BACE2: variants seen among roughly 807,000 people sequenced by gnomAD.
The protein encoded by BACE2 is beta-secretase 2.
In BACE2, 17 loss-of-function variants were observed where a neutral mutation model predicts 46.2. That is an observed-to-expected ratio of 0.37 (90% confidence interval 0.25 to 0.55). The LOEUF (loss-of-function observed/expected upper bound fraction) is 0.55, where lower values mean the gene tolerates loss of function less well. Ranked by LOEUF, BACE2 falls within the 20% of genes least tolerant of loss-of-function variation. BACE2 has a pLI of 0.82. For missense variants in BACE2, 595 were observed against 698.1 expected, an observed-to-expected ratio of 0.85 and a Z score of 1.66; for synonymous variants, 277 against 295.9, an observed-to-expected ratio of 0.94 and a Z score of 0.66.
At chr21:41,196,243 A>G (rs1026693297) in intron 1 of BACE2, among the ~76,000 whole-genome samples, 1 of 152,036 alleles carries the variant, frequency 6.6e-6, no homozygotes, top group Admixed American at 6.6e-5. Flanking sequence ...GGTTTCAGTG[A>G]GCCGAGATTG....
chr21:41,168,721 T>A, intron 1 of BACE2, 146 bp downstream of exon 1: 2 of 284,474 alleles, frequency 7.0e-6, no homozygotes, highest in Non-Finnish European at 5.9e-6. Flanking sequence ...GGGGCTCGGG[T>A]GGGCCGGGGA....
At chr21:41,208,852 G>A (rs555559807) in intron 1 of BACE2, among the ~76,000 whole-genome samples, 1 of 152,258 alleles carries the variant, frequency 6.6e-6, no homozygotes, top group East Asian at 1.9e-4. Flanking sequence ...TAGGGAAGGT[G>A]GGAGTTCCGT....
At chr21:41,241,989 G>A in intron 4 of BACE2, 42 bp downstream of exon 4, 1 of 1,607,498 alleles carries the variant, frequency 6.2e-7, no homozygotes, top group Non-Finnish European at 8.5e-7. Context: ...AATCACAGAT[G>A]GATGGGCTGT....
chr21:41,179,980 C>T (rs1985051554), intron 1 of BACE2: 8 of 350,174 alleles, frequency 2.3e-5, no homozygotes, highest in South Asian at 1.9e-4. Flanking sequence ...GTGGTGTTAG[C>T]AACTTTTATT....
chr21:41,257,143 C>T lies in BACE2; in HGVS notation c.1135-15C>T. 1 of 1,614,104 alleles carries T rather than the reference C, an allele frequency of 6.2e-7. No individual in the cohort carries two copies. The highest frequency in any genetic ancestry group is 1.3e-5 in the African/African-American group (1 of 75,052). ...CTTTTTCTTGTTTGTTTGCTCTCTC[C>T]TCTCCGACAAACAGCTTTACATTCA... On this transcript the variant is annotated splice_polypyrimidine_tract_variant and intron_variant, in intron 7 of 8. Transcript: ENST00000330333.
chr21:41,211,797 T>C (rs1449156670), intron 1 of BACE2, among the ~76,000 whole-genome samples: 1 of 152,260 alleles, frequency 6.6e-6, no homozygotes, highest in African/African-American at 2.4e-5. Flanking sequence ...TGCTAATCAC[T>C]AACTAGATGA....
chr21:41,193,439 C>G lies in BACE2; in HGVS notation c.312+24864C>G, dbSNP rs149044249. Among the ~76,000 whole-genome samples the G allele has an allele frequency of 0.016, 2,380 of 152,364 alleles. 53 individuals carry two copies. The highest frequency in any genetic ancestry group is 0.053 in the African/African-American group (2,190 of 41,588). On this transcript the variant is annotated intron_variant, in intron 1 of 8. Transcript: ENST00000330333. This position sits in a 1 kb window ranked among gnomAD's most constrained non-coding sequence, Gnocchi z 4.2. ...TCATTCTCCAAGATCCGTCTGTCTT[C>G]TGCACAGGCCAGATGGGAGAGTTGA...
chr21:41,222,008 G>A (rs1483277430), intron 1 of BACE2, among the ~76,000 whole-genome samples: 2 of 152,156 alleles, frequency 1.3e-5, no homozygotes, highest in African/African-American at 4.8e-5. Flanking sequence ...TGCGCACGGG[G>A]CCCAGGCAGT....
chr21:41,255,132 CAG>C (rs1987745147), intron 7 of BACE2, among the ~76,000 whole-genome samples: 2 of 152,328 alleles, frequency 1.3e-5, no homozygotes, highest in African/African-American at 4.8e-5. Flanking sequence ...TTTACTGAGA[CAG>C]AGAACTGTGG....
intron 1 of BACE2, among the ~76,000 whole-genome samples, chr21:41,223,546 T>G (rs1221087616): frequency 6.6e-6 from 1 of 152,182 alleles, no homozygotes; most frequent in Non-Finnish European, 1.5e-5. Context: ...CTGTCTCTGC[T>G]GTTACTTGGC....
chr21:41,207,746 C>T (rs1433701387), intron 1 of BACE2, among the ~76,000 whole-genome samples: 1 of 152,254 alleles, frequency 6.6e-6, no homozygotes, highest in Non-Finnish European at 1.5e-5. Context: ...CTCCAGCCCA[C>T]ATCTGCGGAA....
intron 1 of BACE2, among the ~76,000 whole-genome samples, chr21:41,194,897 T>C (rs1985686120): frequency 6.6e-6 from 1 of 152,246 alleles, no homozygotes; most frequent in Admixed American, 6.5e-5. Context: ...AAAGTCTGTT[T>C]ACTGTTGTTT....
rs561841065 is a variant in BACE2, at chr21:41,241,926, T to G, written c.726T>G (p.Ser242=). Residue 242 remains serine (S), a synonymous_variant, in exon 4 of 9, where the codon TCT becomes TCG. Transcript: ENST00000330333. The part of the protein sequence containing the change: ...MCGAGLPVAG[S]GTNGGSLVLG... ...GAGCCGGCTTGCCCGTTGCTGGATC[T>G]GGGACCAACGGAGGTAGTCTTGTGG... The G allele has an allele frequency of 3.7e-6, 6 of 1,614,168 alleles. No homozygotes were observed. The Admixed American group carries it at 5.0e-5, about 13-fold the overall frequency.
At chr21:41,210,569 T>C (rs1036268941) in intron 1 of BACE2, among the ~76,000 whole-genome samples, 2 of 152,164 alleles carry the variant, frequency 1.3e-5, no homozygotes, top group Non-Finnish European at 2.9e-5. Flanking sequence ...TTCAAATGAC[T>C]GCAGCTCATC....
At chr21:41,231,016 C>T (rs1003426894) in intron 2 of BACE2, among the ~76,000 whole-genome samples, 5 of 152,120 alleles carry the variant, frequency 3.3e-5, no homozygotes, top group Admixed American at 6.6e-5. Flanking sequence ...GTACTATATC[C>T]GGGTTGAAGC....
At chr21:41,223,618 G>C (rs1036559768) in intron 1 of BACE2, among the ~76,000 whole-genome samples, 1 of 152,188 alleles carries the variant, frequency 6.6e-6, no homozygotes, top group African/African-American at 2.4e-5. Context: ...TGTGATACTG[G>C]ATTAGAGCTC....
chr21:41,227,950 C>T (rs139183471), intron 2 of BACE2, among the ~76,000 whole-genome samples: 1 of 152,204 alleles, frequency 6.6e-6, no homozygotes, highest in East Asian at 1.9e-4. Context: ...GACTGCTCAT[C>T]ATGGAACAGG....
intron 3 of BACE2, among the ~76,000 whole-genome samples, chr21:41,241,286 T>C (rs906983102): frequency 6.6e-6 from 1 of 152,174 alleles, no homozygotes; most frequent in Non-Finnish European, 1.5e-5. Context: ...CCTTTCCTGC[T>C]TCTTTCCTGC....
chr21:41,263,804 C>G (rs1178537211), intron 8 of BACE2, among the ~76,000 whole-genome samples: 1 of 152,166 alleles, frequency 6.6e-6, no homozygotes, highest in Non-Finnish European at 1.5e-5. Context: ...TCTGAAGTTT[C>G]ACCATGATGT....
Sources: allele counts gnomAD v4.1 joint callset (sites outside exome capture counted in the v4.1 genomes callset), GRCh38; gene constraint gnomAD v4.1.1; non-coding constraint Gnocchi (gnomAD v3.1); transcripts MANE v1.5; gene names NCBI Gene and HGNC (gene_info 2026-07-23, HGNC 2026-07-21).